Variants in ATP6AP2 observed in about 807,000 individuals in gnomAD.
The protein encoded by ATP6AP2 is ATPase H+ transporting accessory protein 2.
Under a neutral mutation model 23.4 loss-of-function variants are expected in ATP6AP2, and 1 was observed. The observed-to-expected ratio is 0.04, with a 90% CI of 0.02 to 0.20. The LOEUF is 0.20. Ranked by LOEUF, ATP6AP2 falls within the 10% of genes least tolerant of loss-of-function variation. ATP6AP2 has a pLI of 1.00. For synonymous variants in ATP6AP2, 90 were observed against 97.1 expected, an observed-to-expected ratio of 0.93 and a Z score of 0.43; for missense variants, 174 against 271.3, an observed-to-expected ratio of 0.64 and a Z score of 2.52.
intron 3 of ATP6AP2, among the ~76,000 whole-genome samples, chrX:40,593,085 T>C (rs905905992): frequency 9.0e-6 from 1 of 111,335 alleles, no homozygotes; most frequent in African/African-American, 3.3e-5. Context: ...CTGTCTCTAC[T>C]GAAAATACAA....
At position 40,587,114 on chromosome X, in the gene ATP6AP2, A is replaced by G. The variant is rs1414806328; in HGVS notation, c.38-1872A>G. 4.5e-5 allele frequency among the ~76,000 whole-genome samples: 5 copies of G among 111,618 alleles called. No homozygotes were observed. In the Admixed American group the frequency reaches 4.7e-4, roughly 11 times the overall value. The stretch of plus-strand genomic sequence containing the variant: ...GTGTCACCCTGTCTCTACTGAAAAT[A>G]CAAAATTTAGCCAGGCATGGTGGCA... On this transcript the variant is annotated intron_variant, in intron 1 of 8. Coordinates refer to ENST00000636580, the MANE Select transcript of ATP6AP2 (RefSeq NM_005765.3).
chrX:40,586,865 A>G (rs1366932294), intron 1 of ATP6AP2, among the ~76,000 whole-genome samples: 1 of 112,421 alleles, frequency 8.9e-6, no homozygotes, highest in African/African-American at 3.2e-5. Flanking sequence ...GGAAGTTGAA[A>G]CTACGAAGCT....
At chrX:40,588,161 A>T (rs764691851) in intron 1 of ATP6AP2, among the ~76,000 whole-genome samples, 2 of 112,583 alleles carry the variant, frequency 1.8e-5, no homozygotes, top group East Asian at 5.6e-4. Context: ...GAGCTTATAA[A>T]ATAGTCCCTT....
intron 8 of ATP6AP2, among the ~76,000 whole-genome samples, chrX:40,601,735 G>A (rs1017699390): frequency 1.7e-4 from 19 of 111,706 alleles, no homozygotes; most frequent in African/African-American, 6.2e-4. Context: ...ATACACCTCC[G>A]CTTCAGACCC....
intron 1 of ATP6AP2, among the ~76,000 whole-genome samples, chrX:40,582,352 C>T (rs112460457): frequency 0.02 from 2,218 of 111,828 alleles, 56 homozygotes; most frequent in African/African-American, 0.069. Context: ...CGCTTGAGCC[C>T]GGGAGGCGGA....
intron 1 of ATP6AP2, among the ~76,000 whole-genome samples, chrX:40,582,817 T>A (rs1926364461): frequency 8.9e-6 from 1 of 112,374 alleles, no homozygotes; most frequent in African/African-American, 3.2e-5. Context: ...TATAGGCTTT[T>A]TTGTTTTGGG....
chrX:40,604,457 A>G (rs1416964256), intron 8 of ATP6AP2, among the ~76,000 whole-genome samples: 1 of 111,121 alleles, frequency 9.0e-6, no homozygotes, highest in Non-Finnish European at 1.9e-5. Context: ...ATCAGAGCTC[A>G]TGAGAACTCA....
chrX:40,591,491 CTT>C lies in ATP6AP2; in HGVS notation c.300+128_300+129del, dbSNP rs1449041958. On this transcript the variant is annotated intron_variant, in intron 3 of 8. Coordinates refer to ENST00000636580, the MANE Select transcript of ATP6AP2 (RefSeq NM_005765.3). ...TTGATGCACAGTTTCTTTTGAAATT[CTT>C]TGACAAACACAATTTCTTTTTAAGA... 6.1e-6 allele frequency: 5 copies of C among 822,216 alleles called. No individual in the cohort carries two copies. In the African/African-American group the frequency reaches 8.2e-5, roughly 14 times the overall value. 67.8% of individuals were successfully genotyped at this position (822,216 alleles called of 1,213,427 possible).
At position 40,602,057 on chromosome X, in the gene ATP6AP2, G is replaced by A. The variant is rs1297708791; in HGVS notation, c.858+1176G>A. The stretch of plus-strand genomic sequence containing the variant: ...AGCACTTTGGGAGGTTGAGGCGGGC[G>A]GAACACCTGAGGCCAGGAGTTCTAG... On this transcript the variant is annotated intron_variant, in intron 8 of 8. Transcript: ENST00000636580. Among the ~76,000 whole-genome samples the A allele has an allele frequency of 9.0e-5, 8 of 88,898 alleles. 1 individual carries two copies. Among genetic ancestry groups the A allele is most frequent in the South Asian group, 3.8e-4 (1 of 2,621 alleles). The allele number at this position is 88,898 out of a possible 115,157, so 77.2% of individuals were successfully genotyped here. A position where few individuals can be genotyped will look rare whatever the true frequency, so the allele number is the denominator to read the frequency against.
intron 3 of ATP6AP2, among the ~76,000 whole-genome samples, chrX:40,594,191 A>T (rs1412015382): frequency 4.4e-5 from 5 of 112,421 alleles, no homozygotes; most frequent in African/African-American, 9.7e-5. Flanking sequence ...CCATAAATAT[A>T]TACAGTTACT....
chrX:40,584,511 A>G (rs1176035251), intron 1 of ATP6AP2, among the ~76,000 whole-genome samples: 1 of 104,644 alleles, frequency 9.6e-6, no homozygotes, highest in Non-Finnish European at 2.0e-5. Context: ...AGCTGGGACT[A>G]CTCTTGTTGC....
chrX:40,580,971 A>G lies in ATP6AP2; in HGVS notation c.-95A>G. 9.5e-7 allele frequency: 1 copy of G among 1,055,526 alleles called. No homozygotes were observed. Among genetic ancestry groups the G allele is most frequent in the Non-Finnish European group, 1.3e-6 (1 of 775,851 alleles). The allele number at this position is 1,055,526 out of a possible 1,213,427, so 87.0% of individuals were successfully genotyped here. A position where few individuals can be genotyped will look rare whatever the true frequency, so the allele number is the denominator to read the frequency against. On this transcript the variant is annotated 5_prime_UTR_variant, in exon 1 of 9. Coordinates refer to ENST00000636580, the MANE Select transcript of ATP6AP2 (RefSeq NM_005765.3). ...GGGACGGGACCCGGGAGCCTGGACG[A>G]GTCCGAGCGCGTCACCTCCTCACGC...
At position 40,586,182 on chromosome X, in the gene ATP6AP2, C is replaced by T. The variant is rs73623098; in HGVS notation, c.38-2804C>T. On this transcript the variant is annotated intron_variant, in intron 1 of 8. Transcript: ENST00000636580. Reference sequence around the variant, plus strand: ...CAATGTGTCGGGCTCTGTTCTCAGCCCTGGGGATAGTGTGTGAACAAGACG... The same window carrying T: ...CAATGTGTCGGGCTCTGTTCTCAGCTCTGGGGATAGTGTGTGAACAAGACG... 6.5e-3 allele frequency among the ~76,000 whole-genome samples: 726 copies of T among 111,733 alleles called. 7 individuals are homozygous for T. The highest frequency in any genetic ancestry group is 0.022 in the African/African-American group (666 of 30,800).
At chrX:40,592,684 G>C (rs1031930007) in intron 3 of ATP6AP2, among the ~76,000 whole-genome samples, 4 of 111,161 alleles carry the variant, frequency 3.6e-5, no homozygotes, top group Non-Finnish European at 7.5e-5. Flanking sequence ...TTTTAAAAAA[G>C]TAATTTCTAA....
intron 5 of ATP6AP2, chrX:40,598,089 T>A: frequency 5.3e-6 from 1 of 187,503 alleles, no homozygotes; most frequent in South Asian, 9.1e-5. Flanking sequence ...TGTGTGGATC[T>A]GGTAACTTGG....
chrX:40,598,459 A>G, intron 5 of ATP6AP2: 1 of 421,500 alleles, frequency 2.4e-6, no homozygotes, highest in Non-Finnish European at 4.1e-6. Context: ...ATAGCTATTG[A>G]GTGGCAGTCA....
chrX:40,583,240 C>T (rs938505378), intron 1 of ATP6AP2, among the ~76,000 whole-genome samples: 2 of 111,245 alleles, frequency 1.8e-5, no homozygotes, highest in Non-Finnish European at 3.8e-5. Flanking sequence ...GAGATAGGAT[C>T]CATTTTTTTA....
chrX:40,592,715 C>T (rs1224568472), intron 3 of ATP6AP2, among the ~76,000 whole-genome samples: 1 of 110,647 alleles, frequency 9.0e-6, no homozygotes, highest in Non-Finnish European at 1.9e-5. Context: ...TCTAAGTTCA[C>T]TGCATTGTAA....
rs183376091 is a variant in ATP6AP2 at position 40,581,824 on chromosome X, A to G, written c.37+722A>G. ...CAGCTAATACGTGGCCTCTTACTGC[A>G]TATCATGTGGTAATGTATTTCATTT... is the stretch of plus-strand genomic sequence containing the variant. On this transcript the variant is annotated intron_variant, in intron 1 of 8. Coordinates refer to ENST00000636580, the MANE Select transcript of ATP6AP2 (RefSeq NM_005765.3). 2.9e-3 allele frequency among the ~76,000 whole-genome samples: 324 copies of G among 111,727 alleles called. 2 individuals are homozygous for G. The highest frequency in any genetic ancestry group is 9.2e-3 in the Middle Eastern group (2 of 217).
Sources: allele counts gnomAD v4.1 joint callset (sites outside exome capture counted in the v4.1 genomes callset), GRCh38; gene constraint gnomAD v4.1.1; transcripts MANE v1.5; gene names NCBI Gene and HGNC (gene_info 2026-07-23, HGNC 2026-07-21).